Variants in MAST4 observed in about 807,000 individuals in gnomAD.
MAST4 encodes the protein microtubule associated serine/threonine kinase family member 4, also known as microtubule-associated serine/threonine-protein kinase 4.
In MAST4, 89 loss-of-function variants were observed where a neutral mutation model predicts 162.7. That is an observed-to-expected ratio of 0.55 (90% CI 0.46 to 0.65). The LOEUF is 0.65. Among genes scored for constraint, MAST4 ranks in the 30% least tolerant of loss-of-function variants. The pLI, the probability that MAST4 is intolerant of heterozygous loss-of-function variation, is 0.00. For missense variants in MAST4, 3,153 were observed against 3,374.0 expected, an observed-to-expected ratio of 0.93 and a Z score of 1.62; for synonymous variants, 1,479 against 1,361.1, an observed-to-expected ratio of 1.09 and a Z score of -1.91.
chr5:66,774,995 CTGTGTGTGTGTGTGTGTGTGTGTG>C (rs33936607), intron 2 of MAST4, among the ~76,000 whole-genome samples: 3 of 142,030 alleles, frequency 2.1e-5, no homozygotes, highest in South Asian at 2.4e-4. Context: ...TATCCTTTTC[CTGTGTGTGTGTGTGTGTGTGTGTG>C]TGTGTGTGTG....
chr5:67,077,195 T>C (rs1761759310), intron 5 of MAST4, among the ~76,000 whole-genome samples: 1 of 152,070 alleles, frequency 6.6e-6, no homozygotes, highest in Non-Finnish European at 1.5e-5. Context: ...AAATTCACTT[T>C]TTTTTTTCCA....
chr5:66,928,443 T>C (rs1309080754), intron 4 of MAST4, among the ~76,000 whole-genome samples: 4 of 152,268 alleles, frequency 2.6e-5, no homozygotes, highest in Non-Finnish European at 5.9e-5. Context: ...GAAGTACGAG[T>C]TGCTCTTTGC....
chr5:66,663,413 G>A (rs1303393420), intron 1 of MAST4, among the ~76,000 whole-genome samples: 1 of 152,182 alleles, frequency 6.6e-6, no homozygotes, highest in African/African-American at 2.4e-5. Context: ...AAAAATCGAT[G>A]TCAAATGGAG....
At chr5:66,964,240 A>G (rs1017936365) in intron 4 of MAST4, among the ~76,000 whole-genome samples, 9 of 152,218 alleles carry the variant, frequency 5.9e-5, no homozygotes, top group Admixed American at 5.2e-4. Flanking sequence ...TAGAACTCCA[A>G]GGTATATACT....
intron 1 of MAST4, among the ~76,000 whole-genome samples, chr5:66,664,173 C>T (rs112536889): frequency 0.01 from 1,573 of 152,050 alleles, 21 homozygotes; most frequent in African/African-American, 0.036. Context: ...TGGTGGCTCA[C>T]GCCTGTAATC....
chr5:67,150,859 A>C (rs1409987192), intron 24 of MAST4, among the ~76,000 whole-genome samples: 2 of 152,178 alleles, frequency 1.3e-5, no homozygotes, highest in Non-Finnish European at 2.9e-5. Context: ...AAGATGCTAC[A>C]TGAAGTCAGA....
At chr5:67,047,602 T>TCATTTTCTG (rs1757538754) in intron 4 of MAST4, among the ~76,000 whole-genome samples, 1 of 152,220 alleles carries the variant, frequency 6.6e-6, no homozygotes, top group Non-Finnish European at 1.5e-5. Context: ...TTTGTTATGT[T>TCATTTTCTG]CATTTTCTGC....
intron 3 of MAST4, among the ~76,000 whole-genome samples, chr5:66,798,279 C>G (rs549300890): frequency 6.6e-6 from 1 of 152,136 alleles, no homozygotes; most frequent in African/African-American, 2.4e-5. Context: ...TCTACTAAAT[C>G]TTTTATTGTT....
intron 1 of MAST4, among the ~76,000 whole-genome samples, chr5:66,707,768 A>G (rs1000934239): frequency 1.3e-5 from 2 of 152,182 alleles, no homozygotes; most frequent in Non-Finnish European, 2.9e-5. Flanking sequence ...GCAGAATGTA[A>G]TTCAGCTAAT....
At position 66,708,301 on chromosome 5, in the gene MAST4, T is replaced by C. The variant is rs565066037; in HGVS notation, c.364-51408T>C. Among the ~76,000 whole-genome samples the C allele has an allele frequency of 4.4e-4, 67 of 152,342 alleles. 1 individual carries two copies. The highest frequency in any genetic ancestry group is 1.5e-3 in the African/African-American group (62 of 41,572). On this transcript the variant is annotated intron_variant, in intron 1 of 28. Coordinates refer to ENST00000403625, the MANE Select transcript of MAST4 (RefSeq NM_001164664.2). ...TTAACTCTGTCTGAACTTTGGTTTC[T>C]TGACTAGTCACATGATATTGGTGAT...
intron 3 of MAST4, 39 bp from the exon 4 acceptor site, chr5:66,899,912 T>G: frequency 1.4e-6 from 2 of 1,479,976 alleles, no homozygotes; most frequent in Non-Finnish European, 1.8e-6. Context: ...CTAAGGTTAA[T>G]GCAGCATTGC....
intron 1 of MAST4, among the ~76,000 whole-genome samples, chr5:66,682,873 A>G (rs1049548969): frequency 4.6e-5 from 7 of 152,190 alleles, no homozygotes; most frequent in Non-Finnish European, 1.0e-4. Context: ...ACCCCGCTTC[A>G]TCTGGATTTT....
chr5:66,610,147 C>T (rs901023130), intron 1 of MAST4, among the ~76,000 whole-genome samples: 2 of 152,164 alleles, frequency 1.3e-5, no homozygotes, highest in Non-Finnish European at 2.9e-5. Context: ...GCCTCTTTGT[C>T]AGCTTCTGGT....
intron 4 of MAST4, among the ~76,000 whole-genome samples, chr5:66,978,810 C>G (rs977678470): frequency 5.3e-5 from 8 of 152,188 alleles, no homozygotes; most frequent in Non-Finnish European, 1.2e-4. Context: ...TATAGTGTTT[C>G]ACTTGCTAGT....
At chr5:66,922,739 T>C (rs940738356) in intron 4 of MAST4, among the ~76,000 whole-genome samples, 1 of 152,206 alleles carries the variant, frequency 6.6e-6, no homozygotes, top group South Asian at 2.1e-4. Flanking sequence ...TAAGGATATT[T>C]TAAATATAAT....
At chr5:67,111,648 A>C (rs1031601747) in intron 11 of MAST4, among the ~76,000 whole-genome samples, 3 of 152,174 alleles carry the variant, frequency 2.0e-5, no homozygotes, top group African/African-American at 7.2e-5. Context: ...ATTATGGACC[A>C]CATGTTTGTA....
intron 5 of MAST4, among the ~76,000 whole-genome samples, chr5:67,058,895 A>G (rs957357179): frequency 1.4e-4 from 21 of 152,274 alleles, no homozygotes; most frequent in Non-Finnish European, 2.5e-4. Context: ...GTAGTTTTCT[A>G]TTGCTGTAGT....
At chr5:66,617,876 G>A (rs568404505) in intron 1 of MAST4, among the ~76,000 whole-genome samples, 3 of 152,302 alleles carry the variant, frequency 2.0e-5, no homozygotes, top group South Asian at 2.1e-4. Flanking sequence ...GGCCAGGAAT[G>A]CAATAAGCAG....
At chr5:66,968,452 G>A (rs1747014883) in intron 4 of MAST4, among the ~76,000 whole-genome samples, 1 of 152,154 alleles carries the variant, frequency 6.6e-6, no homozygotes, top group South Asian at 2.1e-4. Context: ...CATGTTGCTG[G>A]TAGGATATAG....
Sources: allele counts gnomAD v4.1 joint callset (sites outside exome capture counted in the v4.1 genomes callset), GRCh38; gene constraint gnomAD v4.1.1; transcripts MANE v1.5; gene names NCBI Gene and HGNC (gene_info 2026-07-23, HGNC 2026-07-21).